DPP6: variants seen among roughly 807,000 people sequenced by gnomAD.
The protein encoded by DPP6 is A-type potassium channel modulatory protein DPP6.
A neutral mutation model predicts 122.6 loss-of-function variants in DPP6; 69 were observed. The ratio of observed to expected loss-of-function variants is 0.56; its 90% CI spans 0.46 to 0.69. DPP6 has a LOEUF of 0.69. Ranked by LOEUF, DPP6 falls within the 30% of genes least tolerant of loss-of-function variation. DPP6 has a pLI of 0.00. For missense variants in DPP6, 928 were observed against 1,116.9 expected (o/e 0.83, Z 2.41); for synonymous variants, 418 against 433.1 (o/e 0.97, Z 0.43).
At chr7:154,491,236 G>C (rs1009934981) in intron 3 of DPP6, among the ~76,000 whole-genome samples, 1 of 152,146 alleles carries the variant, frequency 6.6e-6, no homozygotes, top group Admixed American at 6.5e-5. Flanking sequence ...GTTGGATTAA[G>C]ATCTCCTAAT....
At chr7:154,009,427 G>A (rs1798063996) in intron 1 of DPP6, among the ~76,000 whole-genome samples, 1 of 133,958 alleles carries the variant, frequency 7.5e-6, no homozygotes, top group Non-Finnish European at 1.5e-5. Context: ...GAGGTTGCAG[G>A]AGAATGCAAT....
intron 1 of DPP6, chr7:154,059,700 C>A (rs1801393176): frequency 6.6e-6 from 1 of 150,762 alleles, no homozygotes; most frequent in Non-Finnish European, 1.5e-5. Context: ...CTTCTGACAG[C>A]CCCAGCCCTG....
chr7:154,195,077 C>A (rs1798798121), intron 1 of DPP6, among the ~76,000 whole-genome samples: 1 of 152,136 alleles, frequency 6.6e-6, no homozygotes. Context: ...GAGAGGGTCA[C>A]AAGGTTCTCT....
chr7:154,691,026 C>T (rs1264104792), intron 7 of DPP6, among the ~76,000 whole-genome samples: 4 of 152,152 alleles, frequency 2.6e-5, no homozygotes, highest in African/African-American at 7.2e-5. Context: ...GGTTGTCAGG[C>T]GGAAAAGGTT....
intron 1 of DPP6, among the ~76,000 whole-genome samples, chr7:154,249,558 A>G (rs944164860): frequency 5.9e-5 from 9 of 152,206 alleles, no homozygotes; most frequent in Non-Finnish European, 1.3e-4. Context: ...TTCAGCTGTT[A>G]TAAAAATCAT....
intron 1 of DPP6, among the ~76,000 whole-genome samples, chr7:153,964,163 T>A (rs1795509261): frequency 6.6e-6 from 1 of 151,966 alleles, no homozygotes; most frequent in Admixed American, 6.6e-5. Context: ...GCCTGGCCAA[T>A]TTTTGTATTT....
chr7:153,839,222 C>A, the DPP6 span, among the ~76,000 whole-genome samples: 2 of 152,216 alleles, frequency 1.3e-5, no homozygotes, highest in East Asian at 3.8e-4. Context: ...TATCTGAATT[C>A]TTACACTGGT....
At chr7:154,012,657 A>G (rs1017992977) in intron 1 of DPP6, among the ~76,000 whole-genome samples, 1 of 152,092 alleles carries the variant, frequency 6.6e-6, no homozygotes, top group Non-Finnish European at 1.5e-5. Flanking sequence ...GGGAGTACCA[A>G]GTATACCTTT....
intron 8 of DPP6, among the ~76,000 whole-genome samples, chr7:154,729,269 A>G (rs1184176126): frequency 6.6e-6 from 1 of 152,172 alleles, no homozygotes; most frequent in African/African-American, 2.4e-5. Context: ...AGGCTGGGTC[A>G]AGGGAGGGTC....
rs1823306986 is a variant in DPP6, at chr7:154,481,567, C to T, written c.457+6530C>T. Among the ~76,000 whole-genome samples, 1 of 151,438 alleles carries T rather than the reference C, an allele frequency of 6.6e-6. No individual in the cohort carries two copies. Among genetic ancestry groups the T allele is most frequent in the East Asian group, 2.0e-4 (1 of 5,096 alleles). On this transcript the variant is annotated intron_variant, in intron 3 of 25. Coordinates refer to ENST00000377770, the MANE Select transcript of DPP6 (RefSeq NM_130797.4). This position sits in a 1 kb window ranked among gnomAD's most constrained non-coding sequence, Gnocchi z 4.2. Reference sequence around the variant, plus strand: ...TCTCAGACTCTACATGATCTGTTTACTCTCCTGACTCATCATTGGCCATCT... The same window carrying T: ...TCTCAGACTCTACATGATCTGTTTATTCTCCTGACTCATCATTGGCCATCT...
chr7:154,305,335 T>TGGGGCCCC, intron 1 of DPP6: 3 of 1,024,754 alleles, frequency 2.9e-6, no homozygotes, highest in Non-Finnish European at 3.6e-6. Flanking sequence ...TCGTCTTGTC[T>TGGGGCCCC]ACCCACCCTC....
chr7:154,132,636 C>G (rs1217115511), intron 1 of DPP6, among the ~76,000 whole-genome samples: 1 of 152,102 alleles, frequency 6.6e-6, no homozygotes, highest in Non-Finnish European at 1.5e-5. Context: ...TCAAATGCAT[C>G]GTGTCCTCCT....
intron 1 of DPP6, among the ~76,000 whole-genome samples, chr7:154,060,535 C>A (rs1178336083): frequency 2.2e-5 from 3 of 137,728 alleles, no homozygotes; most frequent in Non-Finnish European, 3.1e-5. Context: ...TGTTAGGTGT[C>A]CAAGTAGAAA....
intron 16 of DPP6, 103 bp from the exon 17 acceptor site, chr7:154,853,677 G>A (rs938549683): frequency 2.7e-5 from 41 of 1,493,846 alleles, no homozygotes; most frequent in East Asian, 1.4e-4. Flanking sequence ...TCCAGGCTCC[G>A]CACGTCTATC....
rs115671531 is a variant in DPP6 at position 154,772,046 on chromosome 7, C to G, written c.1039-799C>G. Among the ~76,000 whole-genome samples, 604 of 152,248 alleles carry G rather than the reference C, an allele frequency of 4.0e-3. 10 individuals are homozygous for G. Among genetic ancestry groups the G allele is most frequent in the African/African-American group, 0.014 (562 of 41,542 alleles). On this transcript the variant is annotated intron_variant, in intron 9 of 25. Transcript: ENST00000377770. ...AGTCTAGGAGTGATAACCTGGAATC[C>G]AGTAGGGTGCCCTTGATTTTACAGT...
rs183073084 is a variant in DPP6, at chr7:154,105,073, G to A, written c.243+52010G>A. On this transcript the variant is annotated intron_variant, in intron 1 of 25. Coordinates refer to ENST00000377770, the MANE Select transcript of DPP6 (RefSeq NM_130797.4). ...GCTCAGGAGGTCAAGGCTGCACTGA[G>A]CCATGATTTCACCACTGCACTCCAG... is the stretch of plus-strand genomic sequence containing the variant. 4.5e-3 allele frequency among the ~76,000 whole-genome samples: 689 copies of A among 152,350 alleles called. 5 individuals are homozygous for A. The highest frequency in any genetic ancestry group is 0.016 in the African/African-American group (656 of 41,580).
chr7:154,045,413 C>A (rs1799971921), intron 1 of DPP6, among the ~76,000 whole-genome samples: 1 of 152,210 alleles, frequency 6.6e-6, no homozygotes. Flanking sequence ...GGTTCTCAGA[C>A]TTGTGCATGC....
chr7:154,151,208 G>A (rs1220804503), intron 1 of DPP6, among the ~76,000 whole-genome samples: 3 of 152,150 alleles, frequency 2.0e-5, no homozygotes, highest in Non-Finnish European at 4.4e-5. Flanking sequence ...TTAGACCTGG[G>A]GCACCTGATT....
intron 6 of DPP6, among the ~76,000 whole-genome samples, chr7:154,645,610 G>A (rs1836414313): frequency 1.3e-5 from 2 of 152,114 alleles, no homozygotes; most frequent in African/African-American, 4.8e-5. Flanking sequence ...CAGTTCCTTT[G>A]CTCCTCTGGG....
Sources: gnomAD v4.1 joint callset for allele counts (sites outside exome capture counted in the v4.1 genomes callset) on GRCh38, gnomAD v4.1.1 for gene constraint, Gnocchi (gnomAD v3.1) non-coding constraint, MANE v1.5 for transcripts, NCBI Gene and HGNC (gene_info 2026-07-23, HGNC 2026-07-21) for gene names.